Variants in RRBP1 observed in about 807,000 individuals in gnomAD.
The protein encoded by RRBP1 is ribosome-binding protein 1.
In RRBP1, 94 loss-of-function variants were observed where a neutral mutation model predicts 165.2. The observed-to-expected ratio is 0.57, with a 90% CI of 0.48 to 0.68. The LOEUF (loss-of-function observed/expected upper bound fraction) is 0.68, where lower values mean the gene tolerates loss of function less well. RRBP1 is among the 30% of genes least tolerant of loss of function. The probability of loss-of-function intolerance (pLI) is 0.00; values close to 1 mark genes in which losing one functional copy is unlikely to be tolerated. For missense variants in RRBP1, 1,676 were observed against 1,763.0 expected (o/e 0.95, Z 0.88); for synonymous variants, 680 against 714.5 (o/e 0.95, Z 0.77).
Position 17,614,850 on chromosome 20 carries a change from T to C in RRBP1, c.4081A>G (p.Ser1361Gly). ...CTCGTGGCGGCGCGCCCCAGGTCAC[T>C]TGTTAACTTCTTCTCTTTTTCTAGT... ...ERLEKEKKLT[S>G]DLGRAATRLQ... The change falls in exon 24 of 25, where the codon AGT becomes GGT. Residue 1361 changes from serine (S) to glycine (G), a missense_variant. By Grantham distance (56) the Ser-to-Gly change is moderately conservative (BLOSUM62 0). Transcript: ENST00000377813. 6.2e-7 allele frequency: 1 copy of C among 1,613,766 alleles called. No individual in the cohort carries two copies. Among genetic ancestry groups the C allele is most frequent in the Non-Finnish European group, 8.5e-7 (1 of 1,179,994 alleles).
chr20:17,625,599 G>C lies in RRBP1; in HGVS notation c.2967C>G (p.Leu989=), dbSNP rs776950287. The change falls in exon 12 of 25, where the codon CTC becomes CTG. Residue 989 remains leucine (L), a synonymous_variant. Coordinates refer to ENST00000377813, the MANE Select transcript of RRBP1 (RefSeq NM_001365613.2). ...QAEADQQQTR[L]KELESQVSGL... ...CCGACACCTGGGACTCCAGCTCCTTGAGGCTGAAGGGACACAACGAGGTCA... is the reference window on the plus strand; with the variant it reads ...CCGACACCTGGGACTCCAGCTCCTTCAGGCTGAAGGGACACAACGAGGTCA... 4.6e-5 allele frequency: 74 copies of C among 1,613,726 alleles called. No individual in the cohort carries two copies. Among genetic ancestry groups the C allele is most frequent in the Non-Finnish European group, 5.8e-5 (68 of 1,179,760 alleles).
At chr20:17,620,662 C>T (rs754011931) in intron 17 of RRBP1, 53 bp downstream of exon 17, 2 of 1,362,620 alleles carry the variant, frequency 1.5e-6, no homozygotes, top group South Asian at 2.4e-5. Flanking sequence ...GTCAACTCTC[C>T]CCTGGGCTTC....
At position 17,633,024 on chromosome 20, in the gene RRBP1, G is replaced by A. The variant is rs530637342; in HGVS notation, c.2610+436C>T. Among the ~76,000 whole-genome samples, 9 of 152,344 alleles carry A rather than the reference G, an allele frequency of 5.9e-5. No homozygotes were observed. In the East Asian group the frequency reaches 9.7e-4, roughly 16 times the overall value. ...CCAGAGCTGCAGTACCACAGTGGGG[G>A]CAAGTATGGGAGGAAAAACACGGCT... On this transcript the variant is annotated intron_variant, in intron 8 of 24. Transcript: ENST00000377813.
At chr20:17,629,317 CCT>C (rs1364763199) in intron 9 of RRBP1, among the ~76,000 whole-genome samples, 7 of 152,234 alleles carry the variant, frequency 4.6e-5, no homozygotes, top group African/African-American at 1.7e-4. Flanking sequence ...GCCCTCCATC[CCT>C]GTCACCCTTT....
intron 19 of RRBP1, chr20:17,619,395 G>T: frequency 2.3e-6 from 1 of 428,196 alleles, no homozygotes; most frequent in Non-Finnish European, 4.1e-6. Context: ...TCGGGGCAGG[G>T]CTGCCTGGCT....
intron 5 of RRBP1, among the ~76,000 whole-genome samples, chr20:17,638,144 T>C (rs1383540812): frequency 6.6e-6 from 1 of 152,196 alleles, no homozygotes; most frequent in Non-Finnish European, 1.5e-5. Context: ...CCAGGACCCC[T>C]CCGCACTTCC....
intron 8 of RRBP1, among the ~76,000 whole-genome samples, chr20:17,632,386 T>C (rs1392886952): frequency 1.3e-5 from 2 of 152,086 alleles, no homozygotes; most frequent in African/African-American, 4.8e-5. Context: ...CCAGGAGCCT[T>C]TAAAACACAA....
In RRBP1 at chr20:17,615,478, C is replaced by G; in HGVS notation, c.4003G>C (p.Ala1335Pro). 6 of 1,607,404 alleles carry G rather than the reference C, an allele frequency of 3.7e-6. No individual in the cohort carries two copies. Among genetic ancestry groups the G allele is most frequent in the Non-Finnish European group, 5.1e-6 (6 of 1,177,898 alleles). ...LQEELEKLRT[A>P]GPLESSETEE... ...GTTTCTGAAGACTCTAGGGGGCCGGCTGTGCGGAGCTTCTCCAATTCTTCT... is the reference window on the plus strand; with the variant it reads ...GTTTCTGAAGACTCTAGGGGGCCGGGTGTGCGGAGCTTCTCCAATTCTTCT... The change falls in exon 23 of 25, where the codon GCC (alanine) becomes CCC (proline). Residue 1335 changes from alanine to proline, a missense_variant. Transcript: ENST00000377813.
At chr20:17,648,918 C>T (rs1270633438) in intron 3 of RRBP1, among the ~76,000 whole-genome samples, 2 of 152,170 alleles carry the variant, frequency 1.3e-5, no homozygotes, top group Non-Finnish European at 2.9e-5. Context: ...CTGCAGAAAA[C>T]GGCAGGGGAT....
In RRBP1 at chr20:17,615,962, C is replaced by G. The variant is rs1489077794; in HGVS notation, c.3915G>C (p.Gln1305His). The change falls in exon 22 of 25, where the codon CAG becomes CAC. Residue 1305 changes from glutamine (Q) to histidine (H), a missense_variant. Coordinates refer to ENST00000377813, the MANE Select transcript of RRBP1 (RefSeq NM_001365613.2). ...CGGCCGTGAGCTTCTGCCGCTGTGT[C>G]TGCTCATCCTCCAGGATGGCTTCTG... is the stretch of plus-strand genomic sequence containing the variant. ...EWTEAILEDEQTQRQKLTAEF... is the reference protein window; with the variant it reads ...EWTEAILEDEHTQRQKLTAEF... 1 of 1,609,780 alleles carries G rather than the reference C, an allele frequency of 6.2e-7. No homozygotes were observed. The highest frequency in any genetic ancestry group is 8.5e-7 in the Non-Finnish European group (1 of 1,179,950).
chr20:17,632,667 G>A (rs1428718177), intron 8 of RRBP1, among the ~76,000 whole-genome samples: 1 of 3,524 alleles, frequency 2.8e-4, no homozygotes, highest in Admixed American at 5.3e-3. Context: ...AGCCCCTGGG[G>A]TCTCATTATC....
chr20:17,679,307 C>T (rs6105788), intron 2 of RRBP1, among the ~76,000 whole-genome samples: 5 of 152,164 alleles, frequency 3.3e-5, no homozygotes, highest in East Asian at 1.9e-4. Context: ...GGTATGGGGG[C>T]GCTGTCCGCC....
intron 2 of RRBP1, among the ~76,000 whole-genome samples, chr20:17,673,932 G>A (rs2037026404): frequency 6.6e-6 from 1 of 152,092 alleles, no homozygotes; most frequent in Admixed American, 6.6e-5. Context: ...CTCAATCACT[G>A]TGATTACTAT....
At chr20:17,619,455 G>C in intron 19 of RRBP1, 178 bp downstream of exon 19, 1 of 489,212 alleles carries the variant, frequency 2.0e-6, no homozygotes, top group Non-Finnish European at 3.6e-6. Context: ...TGCCCTGAGA[G>C]ACACCTCAGG....
At position 17,635,624 on chromosome 20, in the gene RRBP1, G is replaced by A. The variant is rs1300070055; in HGVS notation, c.2378C>T (p.Thr793Met). 1.9e-6 allele frequency: 3 copies of A among 1,613,476 alleles called. No homozygotes were observed. The highest frequency in any genetic ancestry group is 3.3e-5 in the Admixed American group (2 of 59,990). ...CTCCTGCTGCAGGCGGGCCAGCTGC[G>A]TGTTGGGGCCATTCTCCAGCTGCTC... The part of the protein sequence containing the change: ...LQEQLENGPN[T>M]QLARLQQENS... Residue 793 changes from threonine (T) to methionine (M), a missense_variant, in exon 7 of 25, where the codon ACG becomes ATG. Thr to Met is a moderately conservative substitution (Grantham distance 81). Transcript: ENST00000377813.
intron 21 of RRBP1, among the ~76,000 whole-genome samples, chr20:17,616,257 G>A (rs899391896): frequency 6.6e-6 from 1 of 152,038 alleles, no homozygotes; most frequent in African/African-American, 2.4e-5. Context: ...CGATGCCTCC[G>A]AGCCCTGGCC....
In RRBP1 at chr20:17,659,957, G is replaced by A. The variant is rs907698509; in HGVS notation, c.551C>T (p.Pro184Leu). The A allele has an allele frequency of 2.5e-6, 4 of 1,600,500 alleles. No individual in the cohort carries two copies. The highest frequency in any genetic ancestry group is 3.4e-5 in the Admixed American group (2 of 58,250). ...TGGTGTGTTGCCCTTGGCACCCACT[G>A]GGGGCACCACCACCATCGGCACCTC... ...PKEVPMVVVP[P>L]VGAKGNTPAT... is the part of the protein sequence containing the mutation. Residue 184 changes from proline (P) to leucine (L), a missense_variant, in exon 3 of 25, where the codon CCA (proline) becomes CTA (leucine). Coordinates refer to ENST00000377813, the MANE Select transcript of RRBP1 (RefSeq NM_001365613.2).
chr20:17,622,179 A>C (rs2035929154), intron 13 of RRBP1, among the ~76,000 whole-genome samples: 1 of 152,212 alleles, frequency 6.6e-6, no homozygotes, highest in Non-Finnish European at 1.5e-5. Flanking sequence ...CTCTGATGAA[A>C]GGAGCATACT....
At chr20:17,639,939 G>T (rs570155298) in intron 5 of RRBP1, among the ~76,000 whole-genome samples, 23 of 151,372 alleles carry the variant, frequency 1.5e-4, no homozygotes, top group African/African-American at 5.6e-4. Flanking sequence ...CATCGGCTCT[G>T]CTCAGGACTC....
Sources: allele counts gnomAD v4.1 joint callset (sites outside exome capture counted in the v4.1 genomes callset), GRCh38; gene constraint gnomAD v4.1.1; transcripts MANE v1.5; gene names NCBI Gene and HGNC (gene_info 2026-07-23, HGNC 2026-07-21).